The following TSHZ2 variants were observed in gnomAD, a reference collection of about 807,000 sequenced individuals.
The protein encoded by TSHZ2 is teashirt zinc finger homeobox 2, also known as teashirt homolog 2.
A neutral mutation model predicts 74.4 loss-of-function variants in TSHZ2; 21 were observed. The ratio of observed to expected loss-of-function variants is 0.28; its 90% confidence interval spans 0.20 to 0.41. The LOEUF is 0.41. TSHZ2 is among the 10% of genes least tolerant of loss of function. TSHZ2 has a pLI of 1.00. For synonymous variants in TSHZ2, 540 were observed against 515.3 expected (o/e 1.05, Z -0.65); for missense variants, 1,244 against 1,293.5 (o/e 0.96, Z 0.59).
In TSHZ2 at chr20:52,972,902, G is replaced by A. The variant is rs1362901302; in HGVS notation, c.-392G>A. The A allele has an allele frequency of 4.0e-6, 1 of 250,378 alleles. No individual in the cohort carries two copies. Among genetic ancestry groups the A allele is most frequent in the African/African-American group, 2.3e-5 (1 of 44,182 alleles). 15.5% of individuals were successfully genotyped at this position (250,378 alleles called of 1,614,324 possible). A position where few individuals can be genotyped will look rare whatever the true frequency, so the allele number is the denominator to read the frequency against. On this transcript the variant is annotated 5_prime_UTR_variant, in exon 1 of 3. Transcript: ENST00000371497. ...CCCCTCGTCCCTTCCATCCGAACCC[G>A]GGCTTGGATGTTTAATAAAGAAATC...
chr20:53,448,339 G>A (rs2145775600), intron 2 of TSHZ2, among the ~76,000 whole-genome samples: 1 of 152,304 alleles, frequency 6.6e-6, no homozygotes, highest in South Asian at 2.1e-4. Flanking sequence ...TCAACAGGAA[G>A]CAGGTAGTCA....
chr20:53,088,486 A>G (rs185622478), intron 1 of TSHZ2, among the ~76,000 whole-genome samples: 2 of 152,230 alleles, frequency 1.3e-5, no homozygotes, highest in African/African-American at 4.8e-5. Flanking sequence ...GGAATTGAGG[A>G]TCTCAGCGTT....
intron 2 of TSHZ2, among the ~76,000 whole-genome samples, chr20:53,356,624 G>A (rs546947162): frequency 2.0e-5 from 3 of 152,248 alleles, no homozygotes; most frequent in Admixed American, 1.3e-4. Context: ...ATAAAAGCTG[G>A]CCAGGGAGGA....
intron 2 of TSHZ2, among the ~76,000 whole-genome samples, chr20:53,452,397 C>G (rs924236534): frequency 1.1e-4 from 16 of 152,106 alleles, no homozygotes; most frequent in African/African-American, 3.4e-4. Context: ...GTCAGGAGTT[C>G]AAGACCAGCC....
chr20:53,040,855 T>C (rs774481248), intron 1 of TSHZ2, among the ~76,000 whole-genome samples: 54 of 152,296 alleles, frequency 3.5e-4, no homozygotes, highest in Non-Finnish European at 7.5e-4. Context: ...CTCCCCGAGT[T>C]TGACACCCCA....
chr20:53,199,058 A>T (rs931775024), intron 1 of TSHZ2, among the ~76,000 whole-genome samples: 3 of 152,310 alleles, frequency 2.0e-5, no homozygotes, highest in South Asian at 4.1e-4. Context: ...CCCAGCACCC[A>T]TCTGAGTGTT....
intron 2 of TSHZ2, among the ~76,000 whole-genome samples, chr20:53,480,022 G>A (rs970573171): frequency 3.3e-5 from 5 of 151,746 alleles, no homozygotes; most frequent in Non-Finnish European, 7.4e-5. Flanking sequence ...AGGATCACTC[G>A]AGCCCAGGAG....
intron 2 of TSHZ2, among the ~76,000 whole-genome samples, chr20:53,291,628 T>C (rs1016588690): frequency 2.0e-5 from 3 of 152,036 alleles, no homozygotes; most frequent in African/African-American, 7.2e-5. Context: ...GAGAATCAGA[T>C]TTGAAGGCTA....
chr20:53,053,310 G>T (rs1600667546), intron 1 of TSHZ2, among the ~76,000 whole-genome samples: 2 of 152,136 alleles, frequency 1.3e-5, no homozygotes, highest in Admixed American at 6.5e-5. Flanking sequence ...TGGACATTTG[G>T]GTTGTTTCTG....
chr20:53,276,093 G>T (rs1267535931), intron 2 of TSHZ2, among the ~76,000 whole-genome samples: 1 of 152,168 alleles, frequency 6.6e-6, no homozygotes, highest in Non-Finnish European at 1.5e-5. Flanking sequence ...GGAATCCTTG[G>T]TTCAAAGGAT....
At chr20:53,146,435 G>A (rs939587378) in intron 1 of TSHZ2, among the ~76,000 whole-genome samples, 1 of 152,136 alleles carries the variant, frequency 6.6e-6, no homozygotes, top group African/African-American at 2.4e-5. Flanking sequence ...CAGCACTTTG[G>A]CACACACACT....
chr20:53,161,074 G>T (rs943556414), intron 1 of TSHZ2, among the ~76,000 whole-genome samples: 6 of 134,184 alleles, frequency 4.5e-5, no homozygotes, highest in Non-Finnish European at 7.6e-5. Flanking sequence ...TTGCTACTTG[G>T]TTCCATTAGA....
At chr20:53,253,183 A>G (rs368562688) in intron 1 of TSHZ2, among the ~76,000 whole-genome samples, 11 of 152,232 alleles carry the variant, frequency 7.2e-5, no homozygotes, top group Admixed American at 6.5e-5. Flanking sequence ...CCTAAAAGTC[A>G]TACACATGAA....
chr20:53,345,436 A>G (rs527917088), intron 2 of TSHZ2, among the ~76,000 whole-genome samples: 4 of 152,232 alleles, frequency 2.6e-5, no homozygotes, highest in East Asian at 3.9e-4. Flanking sequence ...CCCGTCCCCC[A>G]GTGTAGACCG....
At chr20:53,243,399 T>C (rs943226726) in intron 1 of TSHZ2, among the ~76,000 whole-genome samples, 3 of 152,156 alleles carry the variant, frequency 2.0e-5, no homozygotes, top group African/African-American at 7.2e-5. Flanking sequence ...GAAGTGTTGA[T>C]GAAGAGATGA....
At chr20:53,237,416 G>A (rs1454257781) in intron 1 of TSHZ2, among the ~76,000 whole-genome samples, 1 of 152,082 alleles carries the variant, frequency 6.6e-6, no homozygotes, top group Non-Finnish European at 1.5e-5. Context: ...CCCTACAATT[G>A]CACAACTGGT....
chr20:53,210,942 T>C (rs915931345), intron 1 of TSHZ2, among the ~76,000 whole-genome samples: 1 of 152,120 alleles, frequency 6.6e-6, no homozygotes, highest in African/African-American at 2.4e-5. Flanking sequence ...GTTTGGAGTT[T>C]CTAAAGAAAT....
At chr20:52,985,953 C>G (rs1981738258) in intron 1 of TSHZ2, among the ~76,000 whole-genome samples, 1 of 152,166 alleles carries the variant, frequency 6.6e-6, no homozygotes, top group Non-Finnish European at 1.5e-5. Context: ...AAAGTAATGT[C>G]CCTTCTTCAT....
At chr20:53,198,597 A>C (rs1988929841) in intron 1 of TSHZ2, among the ~76,000 whole-genome samples, 1 of 152,200 alleles carries the variant, frequency 6.6e-6, no homozygotes, top group African/African-American at 2.4e-5. Context: ...GTTAATTTAT[A>C]AGCTTTTACC....
Sources: gnomAD v4.1 joint callset for allele counts (sites outside exome capture counted in the v4.1 genomes callset) on GRCh38, gnomAD v4.1.1 for gene constraint, MANE v1.5 for transcripts, NCBI Gene and HGNC (gene_info 2026-07-23, HGNC 2026-07-21) for gene names.